The following TM9SF2 variants were observed in gnomAD, a reference collection of about 807,000 sequenced individuals.
TM9SF2 encodes 76 kDa membrane protein.
TM9SF2 carries 13 observed loss-of-function variants against 84.9 expected under a neutral mutation model. The ratio of observed to expected loss-of-function variants is 0.15; its 90% confidence interval spans 0.10 to 0.24. The LOEUF (loss-of-function observed/expected upper bound fraction) is 0.24, where lower values mean the gene tolerates loss of function less well. TM9SF2 is among the 10% of genes least tolerant of loss of function. The pLI is 1.00. For synonymous variants in TM9SF2, 273 were observed against 285.8 expected (o/e 0.96, Z 0.45); for missense variants, 562 against 818.5 (o/e 0.69, Z 3.82).
intron 3 of TM9SF2, 134 bp downstream of exon 3, chr13:99,520,263 TAAAATC>T (rs2046153629): frequency 1.4e-6 from 1 of 693,164 alleles, no homozygotes; most frequent in Non-Finnish European, 2.3e-6. Flanking sequence ...AATAGGTTCT[TAAAATC>T]AAAGTTAGAA....
In TM9SF2 at chr13:99,536,685, T is replaced by C. The variant is rs1413738609; in HGVS notation, c.539T>C (p.Ile180Thr). ...GQRFCNPGFP[I>T]GCYITDKGHA... is the part of the protein sequence containing the mutation. ...AGGTTCTGTAATCCTGGATTTCCTATTGGCTGTTACATTACAGATAAAGGC... is the reference window on the plus strand; with the variant it reads ...AGGTTCTGTAATCCTGGATTTCCTACTGGCTGTTACATTACAGATAAAGGC... Residue 180 changes from isoleucine (I) to threonine (T), a missense_variant, in exon 5 of 17, where the codon ATT becomes ACT. Transcript: ENST00000376387. 6.2e-7 allele frequency: 1 copy of C among 1,613,822 alleles called. No individual in the cohort carries two copies. The highest frequency in any genetic ancestry group is 8.5e-7 in the Non-Finnish European group (1 of 1,179,782).
intron 7 of TM9SF2, among the ~76,000 whole-genome samples, chr13:99,539,835 G>A (rs939520980): frequency 7.2e-5 from 11 of 152,088 alleles, no homozygotes; most frequent in Non-Finnish European, 1.3e-4. Context: ...CCTAGAGGAC[G>A]GGATGGAAAT....
In TM9SF2 at chr13:99,555,667, A is replaced by C; in HGVS notation, c.1752+20A>C. ...GCAGAGGTATGTATTAGCAGTATTC[A>C]CTTATGTTAATTTGTAGACAGTAAC... On this transcript the variant is annotated intron_variant, in intron 15 of 16. Coordinates refer to ENST00000376387, the MANE Select transcript of TM9SF2 (RefSeq NM_004800.3). 6.5e-7 allele frequency: 1 copy of C among 1,539,018 alleles called. No homozygotes were observed. Among genetic ancestry groups the C allele is most frequent in the Non-Finnish European group, 8.9e-7 (1 of 1,120,966 alleles).
chr13:99,541,577 C>T lies in TM9SF2; in HGVS notation c.927C>T (p.Val309=), dbSNP rs1391616952. The T allele has an allele frequency of 1.9e-6, 3 of 1,612,306 alleles. No homozygotes were observed. Among genetic ancestry groups the T allele is most frequent in the South Asian group, 2.2e-5 (2 of 90,824 alleles). The change falls in exon 9 of 17, where the codon GTC becomes GTT. Residue 309 remains valine (V), a synonymous_variant. Coordinates refer to ENST00000376387, the MANE Select transcript of TM9SF2 (RefSeq NM_004800.3). ...TCTACAGCATTATGAATTCCCTGGT[C>T]ATTGTTCTCTTCTTATCTGGAATGG... ...IQWFSIMNSL[V]IVLFLSGMVA...
intron 3 of TM9SF2, among the ~76,000 whole-genome samples, chr13:99,521,504 T>C (rs2046159995): frequency 6.6e-6 from 1 of 152,096 alleles, no homozygotes; most frequent in African/African-American, 2.4e-5. Flanking sequence ...TCCCTCGACA[T>C]TTTATTACAT....
intron 3 of TM9SF2, 24 bp from the exon 4 acceptor site, chr13:99,529,443 G>T (rs762194138): frequency 2.7e-6 from 4 of 1,472,940 alleles, no homozygotes; most frequent in Admixed American, 2.7e-5. Context: ...TTCTGAATTT[G>T]CTTTCCACTT....
chr13:99,526,443 A>G (rs558943838), intron 3 of TM9SF2, among the ~76,000 whole-genome samples: 1 of 152,330 alleles, frequency 6.6e-6, no homozygotes, highest in African/African-American at 2.4e-5. Flanking sequence ...GAGCTTGCAC[A>G]GGGGGCATGT....
At chr13:99,543,132 A>G (rs1325986761) in intron 9 of TM9SF2, among the ~76,000 whole-genome samples, 6 of 152,086 alleles carry the variant, frequency 3.9e-5, no homozygotes, top group Non-Finnish European at 7.4e-5. Flanking sequence ...TCTGCCCCTC[A>G]TTTACATGGC....
intron 4 of TM9SF2, 131 bp from the exon 5 acceptor site, chr13:99,536,477 C>G (rs1337803290): frequency 4.6e-6 from 5 of 1,077,970 alleles, no homozygotes; most frequent in Admixed American, 2.4e-5. Flanking sequence ...CATTAACATT[C>G]TTTGTGGTTT....
At chr13:99,556,340 C>A (rs1295568491) in intron 15 of TM9SF2, among the ~76,000 whole-genome samples, 1 of 152,142 alleles carries the variant, frequency 6.6e-6, no homozygotes, top group Non-Finnish European at 1.5e-5. Flanking sequence ...CTGTTTAGTT[C>A]CAAAATATTT....
At chr13:99,544,109 T>A in intron 10 of TM9SF2, 114 bp downstream of exon 10, 1 of 1,222,520 alleles carries the variant, frequency 8.2e-7, no homozygotes, top group Non-Finnish European at 1.1e-6. Context: ...CCTAGCACTT[T>A]GGGAGGCCAA....
intron 10 of TM9SF2, among the ~76,000 whole-genome samples, chr13:99,544,761 C>G (rs1239370440): frequency 6.6e-6 from 1 of 152,192 alleles, no homozygotes; most frequent in South Asian, 2.1e-4. Context: ...TCTCTCTCCT[C>G]TAGGGAAAGC....
chr13:99,546,214 G>C (rs1333956342), intron 10 of TM9SF2, among the ~76,000 whole-genome samples: 3 of 151,914 alleles, frequency 2.0e-5, no homozygotes, highest in Admixed American at 2.0e-4. Context: ...GGAAACAATA[G>C]GGGGGGAAAC....
intron 1 of TM9SF2, among the ~76,000 whole-genome samples, chr13:99,507,905 A>G (rs951073712): frequency 6.6e-6 from 1 of 152,228 alleles, no homozygotes; most frequent in African/African-American, 2.4e-5. Context: ...TGGGAATAAA[A>G]GCAGAAACGA....
intron 1 of TM9SF2, among the ~76,000 whole-genome samples, chr13:99,510,759 A>G (rs965906732): frequency 3.9e-5 from 6 of 152,238 alleles, no homozygotes; most frequent in East Asian, 1.9e-4. Context: ...ACAATTTGAC[A>G]TGAGATTTAG....
chr13:99,562,843 A>T lies in TM9SF2; in HGVS notation c.*85A>T, dbSNP rs1753349704. On this transcript the variant is annotated 3_prime_UTR_variant, in exon 17 of 17. Coordinates refer to ENST00000376387, the MANE Select transcript of TM9SF2 (RefSeq NM_004800.3). The stretch of plus-strand genomic sequence containing the variant: ...TGTTTTTGTGACTGCCTTGAGTTTT[A>T]TCAGAATTATTGGCCTAGTAATCCT... 1 of 1,323,118 alleles carries T rather than the reference A, an allele frequency of 7.6e-7. No individual in the cohort carries two copies. Among genetic ancestry groups the T allele is most frequent in the Non-Finnish European group, 1.1e-6 (1 of 934,080 alleles). 82.0% of individuals were successfully genotyped at this position (1,323,118 alleles called of 1,614,324 possible). A position where few individuals can be genotyped will look rare whatever the true frequency, so the allele number is the denominator to read the frequency against.
intron 1 of TM9SF2, among the ~76,000 whole-genome samples, chr13:99,511,136 C>T (rs1164474935): frequency 6.6e-6 from 1 of 152,150 alleles, no homozygotes; most frequent in Non-Finnish European, 1.5e-5. Context: ...AAGGTCTACT[C>T]TCAACTTCAA....
At chr13:99,538,348 T>C (rs2046243429) in intron 6 of TM9SF2, among the ~76,000 whole-genome samples, 1 of 152,048 alleles carries the variant, frequency 6.6e-6, no homozygotes, top group East Asian at 1.9e-4. Flanking sequence ...AACGTACATA[T>C]CAGTTATTTA....
intron 2 of TM9SF2, 56 bp from the exon 3 acceptor site, chr13:99,519,980 G>A: frequency 1.3e-6 from 2 of 1,523,722 alleles, no homozygotes; most frequent in Non-Finnish European, 1.8e-6. Context: ...TTGGCTAGGT[G>A]TTTGATATTT....
Sources: gnomAD v4.1 joint callset for allele counts (sites outside exome capture counted in the v4.1 genomes callset) on GRCh38, gnomAD v4.1.1 for gene constraint, MANE v1.5 for transcripts, NCBI Gene and HGNC (gene_info 2026-07-23, HGNC 2026-07-21) for gene names.